OLA1: variants seen among roughly 807,000 people sequenced by gnomAD.
The protein encoded by OLA1 is Obg like ATPase 1.
A neutral mutation model predicts 48.4 loss-of-function variants in OLA1; 14 were observed. The observed-to-expected ratio is 0.29, with a 90% CI of 0.19 to 0.45. The LOEUF (loss-of-function observed/expected upper bound fraction) is 0.45. Among genes scored for constraint, OLA1 ranks in the 20% least tolerant of loss-of-function variants. OLA1 has a pLI of 1.00. For missense variants in OLA1, 325 were observed against 467.1 expected (o/e 0.70, Z 2.80); for synonymous variants, 127 against 150.4 (o/e 0.84, Z 1.14).
intron 4 of OLA1, among the ~76,000 whole-genome samples, chr2:174,207,332 C>T (rs1688138862): frequency 6.6e-6 from 1 of 152,010 alleles, no homozygotes. Flanking sequence ...TTTTTAAAGC[C>T]CTGAGCAATT....
intron 4 of OLA1, among the ~76,000 whole-genome samples, chr2:174,220,511 T>G (rs1375867635): frequency 1.3e-5 from 2 of 152,196 alleles, no homozygotes; most frequent in Non-Finnish European, 2.9e-5. Context: ...AATGTCTGTA[T>G]CCTCCACTGT....
At chr2:174,137,357 T>C (rs1686333213) in intron 5 of OLA1, among the ~76,000 whole-genome samples, 1 of 146,972 alleles carries the variant, frequency 6.8e-6, no homozygotes, top group Admixed American at 6.8e-5. Context: ...GTTCCACTTA[T>C]ATAGCACAGG....
intron 4 of OLA1, among the ~76,000 whole-genome samples, chr2:174,218,393 A>C (rs1161781492): frequency 2.6e-5 from 4 of 152,210 alleles, no homozygotes; most frequent in Non-Finnish European, 5.9e-5. Context: ...ACCAGAATTA[A>C]AAGATGAGCT....
In OLA1 at chr2:174,141,937, T is replaced by C. The variant is rs765064796; in HGVS notation, c.437A>G (p.Glu146Gly). ...EGSVDPIRDI[E>G]IIHEELQLKD... ...AAGCTGAAGCTCTTCATGTATTATT[T>C]CTATATCTCGAATAGGATCTACACT... The change falls in exon 5 of 11, where the codon GAA becomes GGA. Residue 146 changes from glutamate to glycine, a missense_variant. Physicochemically the swap from Glu to Gly is moderately conservative, Grantham distance 98. Coordinates refer to ENST00000284719, the MANE Select transcript of OLA1 (RefSeq NM_013341.5). 2.5e-6 allele frequency: 4 copies of C among 1,590,852 alleles called. No individual in the cohort carries two copies. In the South Asian group the frequency reaches 3.4e-5, roughly 13 times the overall value.
intron 5 of OLA1, among the ~76,000 whole-genome samples, chr2:174,132,878 A>G (rs1686215639): frequency 6.6e-6 from 1 of 152,094 alleles, no homozygotes; most frequent in Non-Finnish European, 1.5e-5. Flanking sequence ...TAACTCTTCT[A>G]TATTCTTTAC....
chr2:174,085,553 G>A (rs796581741), intron 7 of OLA1, among the ~76,000 whole-genome samples: 4 of 152,320 alleles, frequency 2.6e-5, no homozygotes, highest in African/African-American at 9.6e-5. Flanking sequence ...GTGCCAACAA[G>A]GTCGGGGACC....
At chr2:174,127,237 A>C (rs188251758) in intron 5 of OLA1, among the ~76,000 whole-genome samples, 1 of 152,300 alleles carries the variant, frequency 6.6e-6, no homozygotes, top group East Asian at 1.9e-4. Flanking sequence ...AGTGACTTGA[A>C]GGTTCATGTT....
At chr2:174,089,250 C>T (rs1230445573) in intron 7 of OLA1, among the ~76,000 whole-genome samples, 1 of 152,166 alleles carries the variant, frequency 6.6e-6, no homozygotes, top group African/African-American at 2.4e-5. Context: ...CACCTCAGAT[C>T]AGAATCTGCA....
chr2:174,092,685 G>A (rs6747977), intron 7 of OLA1, among the ~76,000 whole-genome samples: 3,686 of 152,046 alleles, frequency 0.024, 134 homozygotes, highest in African/African-American at 0.083. Context: ...AGAGAAGCAT[G>A]TATTATTCTT....
intron 7 of OLA1, 33 bp downstream of exon 7, chr2:174,123,147 G>T (rs748133222): frequency 1.1e-6 from 1 of 930,908 alleles, no homozygotes; most frequent in East Asian, 2.4e-5. Flanking sequence ...CAGAGATGAT[G>T]CATCTGGGTA....
rs1305606590 is a variant in OLA1, at chr2:174,189,615, G to A, written c.373+33418C>T. Among the ~76,000 whole-genome samples the A allele has an allele frequency of 2.0e-5, 3 of 152,070 alleles. No individual in the cohort carries two copies. The East Asian group carries it at 5.8e-4, about 29-fold the overall frequency. On this transcript the variant is annotated intron_variant, in intron 4 of 10. Coordinates refer to ENST00000284719, the MANE Select transcript of OLA1 (RefSeq NM_013341.5). ...CTCTCCTAGCAAAGTGCAAAAATAT[G>A]CAGGTTTAACACATTCTGCTGGCAA...
chr2:174,154,711 G>A (rs770059736), intron 4 of OLA1, among the ~76,000 whole-genome samples: 18 of 151,844 alleles, frequency 1.2e-4, no homozygotes, highest in Non-Finnish European at 1.8e-4. Context: ...TTTTTACACC[G>A]AAAAAAATGC....
At chr2:174,195,231 A>G (rs1262123739) in intron 4 of OLA1, among the ~76,000 whole-genome samples, 2 of 111,344 alleles carry the variant, frequency 1.8e-5, no homozygotes, top group Non-Finnish European at 3.7e-5. Flanking sequence ...ATCCTTTATT[A>G]CTATGCTCAA....
intron 5 of OLA1, among the ~76,000 whole-genome samples, chr2:174,137,660 C>T (rs922272368): frequency 9.9e-5 from 15 of 152,190 alleles, no homozygotes; most frequent in African/African-American, 3.6e-4. Flanking sequence ...TGCTGCTTCA[C>T]CTTGCAGTTT....
intron 7 of OLA1, among the ~76,000 whole-genome samples, chr2:174,082,860 A>C (rs1328419926): frequency 6.6e-6 from 1 of 152,142 alleles, no homozygotes; most frequent in Non-Finnish European, 1.5e-5. Context: ...AAATGAAATA[A>C]GTGTAGTGAA....
chr2:174,241,172 A>G (rs1688991617), intron 2 of OLA1, among the ~76,000 whole-genome samples: 1 of 152,190 alleles, frequency 6.6e-6, no homozygotes, highest in Non-Finnish European at 1.5e-5. Flanking sequence ...CAATCCAGCT[A>G]AGGCCCCAGA....
chr2:174,140,472 A>G (rs757193381), intron 5 of OLA1, among the ~76,000 whole-genome samples: 6 of 151,236 alleles, frequency 4.0e-5, no homozygotes, highest in Non-Finnish European at 7.4e-5. Context: ...GGTTCCAGTG[A>G]TTCTCCTGCC....
At chr2:174,103,397 T>A (rs1685442013) in intron 7 of OLA1, among the ~76,000 whole-genome samples, 2 of 152,190 alleles carry the variant, frequency 1.3e-5, no homozygotes, top group Admixed American at 6.5e-5. Context: ...CTGTTTACAC[T>A]ATTGTCTATG....
At chr2:174,084,072 A>G (rs973982130) in intron 7 of OLA1, among the ~76,000 whole-genome samples, 1 of 152,204 alleles carries the variant, frequency 6.6e-6, no homozygotes, top group Non-Finnish European at 1.5e-5. Flanking sequence ...TCATTCCTCT[A>G]CCGCCAATGT....
Sources: allele counts gnomAD v4.1 joint callset (sites outside exome capture counted in the v4.1 genomes callset), GRCh38; gene constraint gnomAD v4.1.1; transcripts MANE v1.5; gene names NCBI Gene and HGNC (gene_info 2026-07-23, HGNC 2026-07-21).